The following ACAN variants were observed in gnomAD, a reference collection of about 807,000 sequenced individuals.
ACAN encodes aggrecan core protein.
In ACAN, 47 loss-of-function variants were observed where a neutral mutation model predicts 169.1. The observed-to-expected ratio is 0.28, with a 90% CI of 0.22 to 0.35. ACAN has a LOEUF of 0.35. Among genes scored for constraint, ACAN ranks in the 10% least tolerant of loss-of-function variants. The pLI is 1.00. For synonymous variants in ACAN, 1,115 were observed against 1,112.2 expected (o/e 1.00, Z -0.05); for missense variants, 2,716 against 2,759.9 (o/e 0.98, Z 0.36).
At chr15:88,804,907 G>A (rs1405341529) in intron 1 of ACAN, among the ~76,000 whole-genome samples, 3 of 152,144 alleles carry the variant, frequency 2.0e-5, no homozygotes, top group Non-Finnish European at 4.4e-5. Context: ...CGGTGTTTTG[G>A]GGTCCTGGGT....
In ACAN at chr15:88,839,071, C is replaced by A. The variant is rs772038112; in HGVS notation, c.454+25C>A. On this transcript the variant is annotated intron_variant, in intron 3 of 18. Transcript: ENST00000560601. The surrounding 1 kb of genome is among the most constrained non-coding windows in gnomAD (Gnocchi z 4.5). ...GGTGAGAGCCTCCCACAGGGACAGA[C>A]GCTGCTTCACCCACATAAAGAACCA... 2 of 1,596,152 alleles carry A rather than the reference C, an allele frequency of 1.3e-6. No individual in the cohort carries two copies. The highest frequency in any genetic ancestry group is 4.5e-5 in the East Asian group (2 of 44,842).
At position 88,807,163 on chromosome 15, in the gene ACAN, A is replaced by C. The variant is rs1895703122; in HGVS notation, c.-8+3354A>C. On this transcript the variant is annotated intron_variant, in intron 1 of 18. Transcript: ENST00000560601. The surrounding 1 kb of genome is among the most constrained non-coding windows in gnomAD (Gnocchi z 4.0). The stretch of plus-strand genomic sequence containing the variant: ...GCACCAAGTGCTGGGGAGTCAAGGC[A>C]GCTGAGGTGGAAGCTGGAGTTGGGG... Among the ~76,000 whole-genome samples the C allele has an allele frequency of 6.6e-6, 1 of 152,124 alleles. No homozygotes were observed.
intron 1 of ACAN, among the ~76,000 whole-genome samples, chr15:88,808,036 G>A (rs901532304): frequency 6.6e-6 from 1 of 151,958 alleles, no homozygotes; most frequent in Non-Finnish European, 1.5e-5. Flanking sequence ...TTTGGTGTAT[G>A]TGGGGGCGGG....
Position 88,857,956 on chromosome 15 carries a change from G to A in ACAN, c.5371G>A (p.Gly1791Arg). 1 of 1,613,814 alleles carries A rather than the reference G, an allele frequency of 6.2e-7. No homozygotes were observed. The highest frequency in any genetic ancestry group is 8.5e-7 in the Non-Finnish European group (1 of 1,179,880). Residue 1791 changes from glycine to arginine, a missense_variant, in exon 12 of 19, where the codon GGG (glycine) becomes AGG (arginine). By Grantham distance (125) the Gly-to-Arg change is moderately radical. Coordinates refer to ENST00000560601, the MANE Select transcript of ACAN (RefSeq NM_001369268.1). Reference protein sequence around the residue: ...GITDLSGETSGVPDLSGQPSG... With the variant: ...GITDLSGETSRVPDLSGQPSG... ...AACTGATCTGAGTGGAGAAACATCT[G>A]GGGTCCCTGATCTCAGTGGGCAGCC...
chr15:88,837,356 G>A (rs1420329129), intron 2 of ACAN, among the ~76,000 whole-genome samples: 1 of 152,222 alleles, frequency 6.6e-6, no homozygotes, highest in Non-Finnish European at 1.5e-5. Flanking sequence ...ATTTAAATCT[G>A]TGCTTTCAGG....
chr15:88,836,419 T>C (rs1896504867), intron 2 of ACAN, 143 bp downstream of exon 2: 11 of 749,428 alleles, frequency 1.5e-5, no homozygotes, highest in Non-Finnish European at 2.1e-5. Context: ...CCTTCCCCTG[T>C]TGATGCATGC....
Position 88,807,785 on chromosome 15 carries a change from T to TGTGTGTGTGC in ACAN, c.-8+3977_-8+3978insTGTGTGTGCG, listed in dbSNP as rs1555450501. Among the ~76,000 whole-genome samples the TGTGTGTGTGC allele has an allele frequency of 2.4e-4, 37 of 151,700 alleles. No individual in the cohort carries two copies. Among genetic ancestry groups the TGTGTGTGTGC allele is most frequent in the Middle Eastern group, 3.4e-3 (1 of 292 alleles). On this transcript the variant is annotated intron_variant, in intron 1 of 18. Coordinates refer to ENST00000560601, the MANE Select transcript of ACAN (RefSeq NM_001369268.1). This position sits in a 1 kb window ranked among gnomAD's most constrained non-coding sequence, Gnocchi z 4.0. ...GTGTGTGTGTGTGTGTGTGTGTGTG[T>TGTGTGTGTGC]GCATGCTGGCAGGGCGGGCCCTGCG...
chr15:88,857,367 A>C lies in ACAN; in HGVS notation c.4782A>C (p.Glu1594Asp). ...TCAGTGGGTTGCCTTCTGGAAAAGA[A>C]GACTTGGTGGGGTCAGCTTCTGGAG... ...EDLSGLPSGKEDLVGSASGDL... is the reference protein window; with the variant it reads ...EDLSGLPSGKDDLVGSASGDL... The change falls in exon 12 of 19, where the codon GAA becomes GAC. Residue 1594 changes from glutamate to aspartate, a missense_variant. Around this residue, in one of 3 missense-constraint regions of ACAN, gnomAD observed 1,389 missense variants for 1,363.7 expected, o/e 1.02. Transcript: ENST00000560601. The C allele has an allele frequency of 1.9e-6, 3 of 1,613,938 alleles. No individual in the cohort carries two copies. The South Asian group carries it at 3.3e-5, about 18-fold the overall frequency.
chr15:88,872,968 G>C lies in ACAN; in HGVS notation c.7390G>C (p.Glu2464Gln). Residue 2464 changes from glutamate (E) to glutamine (Q), a missense_variant, in exon 17 of 19, where the codon GAG becomes CAG. This residue lies in a region of ACAN where 1,389 missense variants were observed against 1,363.7 expected (regional missense o/e 1.02). Transcript: ENST00000560601. This position sits in a 1 kb window ranked among gnomAD's most constrained non-coding sequence, Gnocchi z 5.4. Reference sequence around the variant, plus strand: ...GGTGATGATCTGGCACGAGAAGGGCGAGTGGAATGATGTTCCCTGCAATTA... The same window carrying C: ...GGTGATGATCTGGCACGAGAAGGGCCAGTGGAATGATGTTCCCTGCAATTA... ...CVVMIWHEKGEWNDVPCNYHL... is the reference protein window; with the variant it reads ...CVVMIWHEKGQWNDVPCNYHL... 1 of 1,613,842 alleles carries C rather than the reference G, an allele frequency of 6.2e-7. No homozygotes were observed. Among genetic ancestry groups the C allele is most frequent in the Non-Finnish European group, 8.5e-7 (1 of 1,179,888 alleles).
chr15:88,842,506 GCCCATC>G (rs141290708), intron 5 of ACAN, among the ~76,000 whole-genome samples: 5 of 40,586 alleles, frequency 1.2e-4, no homozygotes, highest in South Asian at 6.7e-4. Context: ...CTCCCTCCCT[GCCCATC>G]CCCCCTCCCC....
chr15:88,848,136 C>A, intron 9 of ACAN, 98 bp downstream of exon 9: 1 of 1,503,058 alleles, frequency 6.7e-7, no homozygotes, highest in Non-Finnish European at 9.0e-7. Flanking sequence ...TACCACCCAC[C>A]CACCCCTGAT....
intron 1 of ACAN, among the ~76,000 whole-genome samples, chr15:88,812,781 T>C (rs185686853): frequency 6.6e-6 from 1 of 152,284 alleles, no homozygotes; most frequent in East Asian, 1.9e-4. Context: ...CTGGTCAGTT[T>C]CCTTGGTGAT....
Position 88,858,779 on chromosome 15 carries a change from A to T in ACAN, c.6194A>T (p.Gln2065Leu). 2 of 1,613,882 alleles carry T rather than the reference A, an allele frequency of 1.2e-6. No individual in the cohort carries two copies. The highest frequency in any genetic ancestry group is 1.7e-6 in the Non-Finnish European group (2 of 1,179,854). ...AGGCCCCCTGTGACACACACACCCC[A>T]GCTTTTTGAGTCCAGTGGAAAAGTC... ...GQRPPVTHTP[Q>L]LFESSGKVST... is the part of the protein sequence containing the mutation. Residue 2065 changes from glutamine to leucine, a missense_variant, in exon 12 of 19, where the codon CAG becomes CTG. This residue lies in a region of ACAN where 1,389 missense variants were observed against 1,363.7 expected (regional missense o/e 1.02). Transcript: ENST00000560601. The surrounding 1 kb of genome is among the most constrained non-coding windows in gnomAD (Gnocchi z 4.0).
In ACAN at chr15:88,859,117, G is replaced by T; in HGVS notation, c.6532G>T (p.Gly2178Trp). ...AGAATCCACCACCACCAGTGATGTGGGGACAGAGGCACCAGGCTTGCCTTC... is the reference window on the plus strand; with the variant it reads ...AGAATCCACCACCACCAGTGATGTGTGGACAGAGGCACCAGGCTTGCCTTC... The part of the protein sequence containing the change: ...SGESTTTSDV[G>W]TEAPGLPSAT... The change falls in exon 12 of 19, where the codon GGG becomes TGG. Residue 2178 changes from glycine (G) to tryptophan (W), a missense_variant. Transcript: ENST00000560601. The T allele has an allele frequency of 6.2e-7, 1 of 1,613,864 alleles. No homozygotes were observed. The highest frequency in any genetic ancestry group is 8.5e-7 in the Non-Finnish European group (1 of 1,179,890).
chr15:88,849,563 G>A lies in ACAN; in HGVS notation c.1858G>A (p.Asp620Asn), dbSNP rs1310094175. 1.2e-6 allele frequency: 2 copies of A among 1,607,414 alleles called. No homozygotes were observed. The highest frequency in any genetic ancestry group is 2.2e-5 in the East Asian group (1 of 44,538). Residue 620 changes from aspartate (D) to asparagine (N), a missense_variant, in exon 10 of 19, where the codon GAC becomes AAC. Physicochemically the swap from Asp to Asn is conservative, Grantham distance 23 (BLOSUM62 1). Transcript: ENST00000560601. This position sits in a 1 kb window ranked among gnomAD's most constrained non-coding sequence, Gnocchi z 5.1. ...QLYAAWSRGL[D>N]KCYAGWLADG... Reference sequence around the variant, plus strand: ...CTACGCCGCCTGGAGCCGCGGCCTGGACAAGTGCTATGCCGGCTGGCTGGC... The same window carrying A: ...CTACGCCGCCTGGAGCCGCGGCCTGAACAAGTGCTATGCCGGCTGGCTGGC...
At chr15:88,808,155 C>T (rs1895733167) in intron 1 of ACAN, among the ~76,000 whole-genome samples, 1 of 152,176 alleles carries the variant, frequency 6.6e-6, no homozygotes. Context: ...CCTCCCTCAG[C>T]TCCCTGGTCT....
At chr15:88,819,547 G>C (rs548457628) in intron 1 of ACAN, among the ~76,000 whole-genome samples, 1 of 146,564 alleles carries the variant, frequency 6.8e-6, no homozygotes, top group African/African-American at 2.5e-5. Context: ...GGAATTGCTT[G>C]AAGTCAGAAG....
chr15:88,809,365 C>T (rs1479520781), intron 1 of ACAN, among the ~76,000 whole-genome samples: 1 of 152,128 alleles, frequency 6.6e-6, no homozygotes, highest in Non-Finnish European at 1.5e-5. Flanking sequence ...ACTGCTTCAC[C>T]TCTCAGCCTC....
intron 5 of ACAN, among the ~76,000 whole-genome samples, chr15:88,842,860 A>G (rs147781279): frequency 3.3e-5 from 5 of 152,072 alleles, no homozygotes; most frequent in African/African-American, 4.8e-5. Context: ...TTTTAAGCTC[A>G]TGGTCCTCGA....
Sources: gnomAD v4.1 joint callset for allele counts (sites outside exome capture counted in the v4.1 genomes callset) on GRCh38, gnomAD v4.1.1 for gene constraint, gnomAD v4.1.1 regional missense constraint, Gnocchi (gnomAD v3.1) non-coding constraint, MANE v1.5 for transcripts, NCBI Gene and HGNC (gene_info 2026-07-23, HGNC 2026-07-21) for gene names.